The following SCGB2A1 variants were observed in gnomAD, a reference collection of about 807,000 sequenced individuals.
SCGB2A1 encodes secretoglobin family 2A member 1, also known as mammaglobin-B.
Under a neutral mutation model 9.2 loss-of-function variants are expected in SCGB2A1, and 6 were observed. The ratio of observed to expected loss-of-function variants is 0.66; its 90% confidence interval spans 0.36 to 1.29. SCGB2A1 has a LOEUF of 1.29. Ranked by LOEUF, SCGB2A1 falls within the 50% of genes most tolerant of loss-of-function variation. The probability of loss-of-function intolerance (pLI) is 0.03; values close to 1 mark genes in which losing one functional copy is unlikely to be tolerated. For missense variants in SCGB2A1, 138 were observed against 116.9 expected (o/e 1.18, Z -0.83); for synonymous variants, 37 against 41.0 (o/e 0.90, Z 0.37).
At chr11:62,211,218 C>A (rs1346105887) in intron 2 of SCGB2A1, among the ~76,000 whole-genome samples, 1 of 151,928 alleles carries the variant, frequency 6.6e-6, no homozygotes, top group Non-Finnish European at 1.5e-5. Flanking sequence ...GCCCCCGCAC[C>A]CAGCCAGAAC....
intron 2 of SCGB2A1, among the ~76,000 whole-genome samples, chr11:62,210,914 G>A (rs924151106): frequency 7.1e-6 from 1 of 141,264 alleles, no homozygotes; most frequent in African/African-American, 2.6e-5. Context: ...CACGGGGACA[G>A]GCATCGGCAT....
intron 1 of SCGB2A1, 29 bp from the exon 2 acceptor site, chr11:62,210,383 TG>T: frequency 6.7e-7 from 1 of 1,496,984 alleles, no homozygotes; most frequent in Non-Finnish European, 8.8e-7. Flanking sequence ...CATGTTCTTG[TG>T]TCTTTTTTTT....
intron 1 of SCGB2A1, among the ~76,000 whole-genome samples, chr11:62,209,569 C>T (rs1394385878): frequency 6.6e-6 from 1 of 152,024 alleles, no homozygotes; most frequent in African/African-American, 2.4e-5. Context: ...GTCCTGAGCT[C>T]GTTCCTCTCC....
At position 62,213,621 on chromosome 11, in the gene SCGB2A1, A is replaced by T. The variant is rs549329987; in HGVS notation, c.244-105A>T. The stretch of plus-strand genomic sequence containing the variant: ...TGCTTCCACTGCAAATCCTCCTGAG[A>T]GTTAGCTGTTTGTGGACAAATGCAA... On this transcript the variant is annotated intron_variant, in intron 2 of 2. Transcript: ENST00000244930. 7 of 1,081,386 alleles carry T rather than the reference A, an allele frequency of 6.5e-6. No homozygotes were observed. In the East Asian group the frequency reaches 1.4e-4, roughly 22 times the overall value. The allele number at this position is 1,081,386 out of a possible 1,614,324, so 67.0% of individuals were successfully genotyped here.
At chr11:62,212,972 A>T (rs1283077919) in intron 2 of SCGB2A1, among the ~76,000 whole-genome samples, 1 of 150,574 alleles carries the variant, frequency 6.6e-6, no homozygotes, top group Non-Finnish European at 1.5e-5. Context: ...ATATGTACAC[A>T]TATATGTGCA....
At chr11:62,212,942 ATG>A (rs1393939725) in intron 2 of SCGB2A1, among the ~76,000 whole-genome samples, 18 of 144,154 alleles carry the variant, frequency 1.2e-4, no homozygotes, top group African/African-American at 2.3e-4. Context: ...ATACACACAT[ATG>A]TACACACATA....
At chr11:62,208,977 T>A (rs898045468) in intron 1 of SCGB2A1, among the ~76,000 whole-genome samples, 191 bp downstream of exon 1, 1 of 152,106 alleles carries the variant, frequency 6.6e-6, no homozygotes. Flanking sequence ...GTCCCCTGCA[T>A]TGGAGCTGCA....
In SCGB2A1 at chr11:62,210,547, C is replaced by A; in HGVS notation, c.190C>A (p.Gln64Lys). ...AAAEAMGKFKQCFLNQSHRTL... is the reference protein window; with the variant it reads ...AAAEAMGKFKKCFLNQSHRTL... ...TGCAGAGGCTATGGGGAAATTCAAGCAGTGTTTCCTCAACCAGTCACATAG... is the reference window on the plus strand; with the variant it reads ...TGCAGAGGCTATGGGGAAATTCAAGAAGTGTTTCCTCAACCAGTCACATAG... Residue 64 changes from glutamine to lysine, a missense_variant, in exon 2 of 3, where the codon CAG (glutamine) becomes AAG (lysine). Coordinates refer to ENST00000244930, the MANE Select transcript of SCGB2A1 (RefSeq NM_002407.3). 6.3e-7 allele frequency: 1 copy of A among 1,580,384 alleles called. No individual in the cohort carries two copies. The highest frequency in any genetic ancestry group is 8.6e-7 in the Non-Finnish European group (1 of 1,169,548).
At chr11:62,211,837 G>A (rs1944833374) in intron 2 of SCGB2A1, among the ~76,000 whole-genome samples, 1 of 152,252 alleles carries the variant, frequency 6.6e-6, no homozygotes, top group Non-Finnish European at 1.5e-5. Context: ...ACGAGTGCTA[G>A]AATTGTTTAA....
chr11:62,209,702 A>G (rs1241113394), intron 1 of SCGB2A1, among the ~76,000 whole-genome samples: 1 of 148,572 alleles, frequency 6.7e-6, no homozygotes, highest in Non-Finnish European at 1.5e-5. Flanking sequence ...TTGCTCTGTC[A>G]CCCAGGCTGG....
At chr11:62,210,069 G>A (rs1445619363) in intron 1 of SCGB2A1, among the ~76,000 whole-genome samples, 1 of 152,136 alleles carries the variant, frequency 6.6e-6, no homozygotes, top group Admixed American at 6.5e-5. Flanking sequence ...ACCTGATGCT[G>A]GGCATGATAA....
intron 2 of SCGB2A1, 69 bp downstream of exon 2, chr11:62,210,669 C>T: frequency 8.0e-7 from 1 of 1,250,094 alleles, no homozygotes; most frequent in East Asian, 2.8e-5. Flanking sequence ...CTAAATTTGG[C>T]ACCAAGAATG....
intron 2 of SCGB2A1, chr11:62,213,517 A>T: frequency 1.9e-6 from 1 of 516,794 alleles, no homozygotes; most frequent in Non-Finnish European, 3.4e-6. Flanking sequence ...TAGGGAAGAG[A>T]TCCTACAACC....
At chr11:62,209,678 T>TGTGTGTGTGTGTGTG (rs1590654031) in intron 1 of SCGB2A1, among the ~76,000 whole-genome samples, 2 of 147,356 alleles carry the variant, frequency 1.4e-5, no homozygotes, top group African/African-American at 2.5e-5. Context: ...TGTGTGTGTG[T>TGTGTGTGTGTGTGTG]TTGAGACAGG....
At position 62,210,520 on chromosome 11, in the gene SCGB2A1, G is replaced by A. The variant is rs140871832; in HGVS notation, c.163G>A (p.Ala55Thr). The A allele has an allele frequency of 1.3e-5, 20 of 1,594,802 alleles. No homozygotes were observed. The highest frequency in any genetic ancestry group is 3.6e-5 in the South Asian group (3 of 84,184). ...LLQEFIDSDAAAEAMGKFKQC... is the reference protein window; with the variant it reads ...LLQEFIDSDATAEAMGKFKQC... ...TCAAGAGTTCATAGACAGTGATGCC[G>A]CTGCAGAGGCTATGGGGAAATTCAA... The change falls in exon 2 of 3, where the codon GCT (alanine) becomes ACT (threonine). Residue 55 changes from alanine to threonine, a missense_variant. Transcript: ENST00000244930.
chr11:62,213,021 T>TGC lies in SCGB2A1; in HGVS notation c.244-705_244-704insGC, dbSNP rs1565121424. Among the ~76,000 whole-genome samples, 9 of 67,254 alleles carry TGC rather than the reference T, an allele frequency of 1.3e-4. 1 individual carries two copies. The highest frequency in any genetic ancestry group is 9.6e-4 in the South Asian group (1 of 1,038). 44.1% of individuals were successfully genotyped at this position (67,254 alleles called of 152,430 possible). A position where few individuals can be genotyped will look rare whatever the true frequency, so the allele number is the denominator to read the frequency against. ...ATATGTACACATATATGCACATATA[T>TGC]ACATATATACACACATATATACATA... is the stretch of plus-strand genomic sequence containing the variant. On this transcript the variant is annotated intron_variant, in intron 2 of 2. Coordinates refer to ENST00000244930, the MANE Select transcript of SCGB2A1 (RefSeq NM_002407.3).
intron 2 of SCGB2A1, 54 bp downstream of exon 2, chr11:62,210,654 G>A (rs948458869): frequency 1.2e-5 from 16 of 1,377,318 alleles, no homozygotes; most frequent in African/African-American, 3.0e-5. Flanking sequence ...CAGAACCAGC[G>A]GGCTCTAAAT....
Position 62,213,106 on chromosome 11 carries a change from A to ATTTTTT in SCGB2A1, c.244-614_244-609dup, listed in dbSNP as rs1554985926. ...CATATATACACATATATATATATATATTTTTTTTTTTGTAGAGATGGCATT... is the reference window on the plus strand; with the variant it reads ...CATATATACACATATATATATATATATTTTTTTTTTTTTTTTTGTAGAGATGGCATT... On this transcript the variant is annotated intron_variant, in intron 2 of 2. Transcript: ENST00000244930. Among the ~76,000 whole-genome samples, 300 of 116,140 alleles carry ATTTTTT rather than the reference A, an allele frequency of 2.6e-3. 6 individuals carry two copies. Among genetic ancestry groups the ATTTTTT allele is most frequent in the African/African-American group, 9.3e-3 (270 of 28,990 alleles). The allele number at this position is 116,140 out of a possible 152,430, so 76.2% of individuals were successfully genotyped here.
At chr11:62,213,589 C>T (rs1944855886) in intron 2 of SCGB2A1, 137 bp from the exon 3 acceptor site, 1 of 752,176 alleles carries the variant, frequency 1.3e-6, no homozygotes, top group Non-Finnish European at 2.2e-6. Context: ...AGAGGGGATG[C>T]TGGCTTTGCT....
Sources: allele counts gnomAD v4.1 joint callset (sites outside exome capture counted in the v4.1 genomes callset), GRCh38; gene constraint gnomAD v4.1.1; transcripts MANE v1.5; gene names NCBI Gene and HGNC (gene_info 2026-07-23, HGNC 2026-07-21).